The following MAP2K5 variants were observed in gnomAD, a reference collection of about 807,000 sequenced individuals.
MAP2K5 encodes the protein dual specificity mitogen-activated protein kinase kinase 5.
A neutral mutation model predicts 83.1 loss-of-function variants in MAP2K5; 49 were observed. That is an observed-to-expected ratio of 0.59 (90% CI 0.47 to 0.75). The LOEUF (loss-of-function observed/expected upper bound fraction) is 0.75. Ranked by LOEUF, MAP2K5 falls within the 30% of genes least tolerant of loss-of-function variation. MAP2K5 has a pLI of 0.00. For synonymous variants in MAP2K5, 202 were observed against 191.8 expected (o/e 1.05, Z -0.44); for missense variants, 457 against 557.5 (o/e 0.82, Z 1.82).
chr15:67,602,810 T>C (rs2141029549), intron 8 of MAP2K5, among the ~76,000 whole-genome samples: 1 of 152,292 alleles, frequency 6.6e-6, no homozygotes, highest in South Asian at 2.1e-4. Flanking sequence ...TACGCCACCA[T>C]GCCCAGCTAA....
chr15:67,753,393 G>GA (rs2089765318), intron 19 of MAP2K5, among the ~76,000 whole-genome samples: 1 of 152,094 alleles, frequency 6.6e-6, no homozygotes, highest in South Asian at 2.1e-4. Flanking sequence ...TCAAGACAGT[G>GA]AAAAGACAAC....
intron 11 of MAP2K5, among the ~76,000 whole-genome samples, chr15:67,658,060 A>G (rs1282975643): frequency 6.6e-6 from 1 of 152,070 alleles, no homozygotes; most frequent in African/African-American, 2.4e-5. Flanking sequence ...TCTTAAAGAA[A>G]GGTTATTACA....
chr15:67,585,076 CAAAA>C (rs59012209), intron 4 of MAP2K5, among the ~76,000 whole-genome samples: 1 of 122,178 alleles, frequency 8.2e-6, no homozygotes. Context: ...GAGAGAGGAG[CAAAA>C]AAAAAAAAAA....
chr15:67,547,968 G>A (rs2084430408), intron 1 of MAP2K5, among the ~76,000 whole-genome samples: 2 of 152,180 alleles, frequency 1.3e-5, no homozygotes, highest in South Asian at 4.1e-4. Context: ...TTGCTTTAAA[G>A]AACAAAATGG....
intron 8 of MAP2K5, chr15:67,627,866 T>C: frequency 1.7e-6 from 1 of 586,848 alleles, no homozygotes. Context: ...TAAGTCAGAG[T>C]CTCCTAAAGA....
chr15:67,564,959 A>G (rs902134897), intron 3 of MAP2K5, among the ~76,000 whole-genome samples: 1 of 152,166 alleles, frequency 6.6e-6, no homozygotes, highest in Non-Finnish European at 1.5e-5. Context: ...GATGATTTCC[A>G]TTTCTAAGTT....
At position 67,746,576 on chromosome 15, in the gene MAP2K5, G is replaced by A. The variant is rs2089610526; in HGVS notation, c.1075-1655G>A. Among the ~76,000 whole-genome samples the A allele has an allele frequency of 6.6e-6, 1 of 152,068 alleles. No homozygotes were observed. Among genetic ancestry groups the A allele is most frequent in the Non-Finnish European group, 1.5e-5 (1 of 68,028 alleles). On this transcript the variant is annotated intron_variant, in intron 17 of 21. Coordinates refer to ENST00000178640, the MANE Select transcript of MAP2K5 (RefSeq NM_145160.3). The surrounding 1 kb of genome is among the most constrained non-coding windows in gnomAD (Gnocchi z 4.1). The stretch of plus-strand genomic sequence containing the variant: ...TACTGAAATTCTTAACCACTTCCGG[G>A]TGGTGGTTACAGCTCCGCCTTCCCT...
chr15:67,579,850 T>C (rs2085143464), intron 3 of MAP2K5, among the ~76,000 whole-genome samples: 1 of 152,206 alleles, frequency 6.6e-6, no homozygotes, highest in Non-Finnish European at 1.5e-5. Context: ...ATTTAAATAA[T>C]ATGCACATGT....
Position 67,785,137 on chromosome 15 carries a change from G to T in MAP2K5, c.1242+12385G>T, listed in dbSNP as rs748446450. Among the ~76,000 whole-genome samples, 1 of 152,106 alleles carries T rather than the reference G, an allele frequency of 6.6e-6. No homozygotes were observed. On this transcript the variant is annotated intron_variant, in intron 21 of 21. Coordinates refer to ENST00000178640, the MANE Select transcript of MAP2K5 (RefSeq NM_145160.3). This position sits in a 1 kb window ranked among gnomAD's most constrained non-coding sequence, Gnocchi z 4.4. ...TTTTTGTATTTTCAGTAGAGACGGGGTTTCCCCATGTTGCCCAGGCTGGTC... is the reference window on the plus strand; with the variant it reads ...TTTTTGTATTTTCAGTAGAGACGGGTTTTCCCCATGTTGCCCAGGCTGGTC...
At chr15:67,673,087 A>G (rs951277560) in intron 13 of MAP2K5, among the ~76,000 whole-genome samples, 3 of 152,204 alleles carry the variant, frequency 2.0e-5, no homozygotes, top group African/African-American at 7.2e-5. Context: ...GTTTGAAGTC[A>G]GGTAGCATGA....
At chr15:67,804,602 A>ACG (rs1249126756) in intron 21 of MAP2K5, among the ~76,000 whole-genome samples, 1 of 152,194 alleles carries the variant, frequency 6.6e-6, no homozygotes, top group Non-Finnish European at 1.5e-5. Flanking sequence ...GAACGCCTCT[A>ACG]CGCTCCCTCC....
intron 17 of MAP2K5, among the ~76,000 whole-genome samples, chr15:67,735,922 A>G (rs2089329729): frequency 2.0e-5 from 3 of 152,124 alleles, no homozygotes; most frequent in Non-Finnish European, 1.5e-5. Context: ...CTCCCTTTGC[A>G]AGAAGCATGG....
chr15:67,634,409 A>AAAAAAAAAAAAT (rs1872912766), intron 9 of MAP2K5, among the ~76,000 whole-genome samples: 2 of 132,752 alleles, frequency 1.5e-5, no homozygotes, highest in Non-Finnish European at 3.1e-5. Flanking sequence ...AAAAAAAAAA[A>AAAAAAAAAAAAT]GAATGTATAA....
intron 11 of MAP2K5, among the ~76,000 whole-genome samples, chr15:67,655,168 T>C (rs1379013813): frequency 1.3e-5 from 2 of 152,232 alleles, no homozygotes; most frequent in African/African-American, 4.8e-5. Flanking sequence ...TTCCTATACA[T>C]TGTGTGTCCA....
rs1187489069 is a variant in MAP2K5, at chr15:67,778,524, G to T, written c.1242+5772G>T. On this transcript the variant is annotated intron_variant, in intron 21 of 21. Transcript: ENST00000178640. The surrounding 1 kb of genome is among the most constrained non-coding windows in gnomAD (Gnocchi z 5.0). ...TGCAGTAGGGAGAGTGTTTATTAAT[G>T]AGGAATGGCTCAAAGAAAAGGGAGG... Among the ~76,000 whole-genome samples, 1 of 152,148 alleles carries T rather than the reference G, an allele frequency of 6.6e-6. No homozygotes were observed. The highest frequency in any genetic ancestry group is 1.5e-5 in the Non-Finnish European group (1 of 68,032).
rs897442094 is a variant in MAP2K5 at position 67,747,776 on chromosome 15, A to T, written c.1075-455A>T. On this transcript the variant is annotated intron_variant, in intron 17 of 21. Coordinates refer to ENST00000178640, the MANE Select transcript of MAP2K5 (RefSeq NM_145160.3). The surrounding 1 kb of genome is among the most constrained non-coding windows in gnomAD (Gnocchi z 4.1). Reference sequence around the variant, plus strand: ...TAAAGTTTTCCTCACAAAATAGGGGATTGTGAGCAGACACTGGCAGGAATC... The same window carrying T: ...TAAAGTTTTCCTCACAAAATAGGGGTTTGTGAGCAGACACTGGCAGGAATC... 1.3e-5 allele frequency among the ~76,000 whole-genome samples: 2 copies of T among 152,194 alleles called. No homozygotes were observed. The highest frequency in any genetic ancestry group is 2.9e-5 in the Non-Finnish European group (2 of 68,036).
At chr15:67,658,667 C>G in intron 12 of MAP2K5, 53 bp downstream of exon 12, 4 of 1,388,392 alleles carry the variant, frequency 2.9e-6, no homozygotes, top group Non-Finnish European at 4.1e-6. Context: ...TCCTTCTAAT[C>G]AAGCTCATTC....
At position 67,552,788 on chromosome 15, in the gene MAP2K5, C is replaced by A. The variant is rs2084539348; in HGVS notation, c.184+2706C>A. On this transcript the variant is annotated intron_variant, in intron 2 of 21. Coordinates refer to ENST00000178640, the MANE Select transcript of MAP2K5 (RefSeq NM_145160.3). The surrounding 1 kb of genome is among the most constrained non-coding windows in gnomAD (Gnocchi z 4.2). ...TGTTTTTTGGTTGAGGAAAGGAAAT[C>A]TTTAAGCAACTTGCTGAAAGTCTCT... 6.6e-6 allele frequency among the ~76,000 whole-genome samples: 1 copy of A among 152,114 alleles called. No individual in the cohort carries two copies. Among genetic ancestry groups the A allele is most frequent in the Non-Finnish European group, 1.5e-5 (1 of 68,022 alleles).
chr15:67,776,623 G>T (rs1214740196), intron 21 of MAP2K5, among the ~76,000 whole-genome samples: 1 of 152,176 alleles, frequency 6.6e-6, no homozygotes, highest in Non-Finnish European at 1.5e-5. Context: ...GACAACCTAA[G>T]ATGAGAGCAT....
Sources: gnomAD v4.1 joint callset for allele counts (sites outside exome capture counted in the v4.1 genomes callset) on GRCh38, gnomAD v4.1.1 for gene constraint, Gnocchi (gnomAD v3.1) non-coding constraint, MANE v1.5 for transcripts, NCBI Gene and HGNC (gene_info 2026-07-23, HGNC 2026-07-21) for gene names.